Variants in GRM7 observed in about 807,000 individuals in gnomAD.
GRM7 encodes metabotropic glutamate receptor 7.
GRM7 carries 35 observed loss-of-function variants against 84.5 expected under a neutral mutation model. That is an observed-to-expected ratio of 0.41 (90% CI 0.32 to 0.55). GRM7 has a LOEUF of 0.55. GRM7 is among the 20% of genes least tolerant of loss of function. The pLI is 0.19. For synonymous variants in GRM7, 487 were observed against 455.1 expected, an observed-to-expected ratio of 1.07 and a Z score of -0.89; for missense variants, 1,003 against 1,194.6, an observed-to-expected ratio of 0.84 and a Z score of 2.36.
chr3:7,051,961 A>AT (rs934828045), intron 1 of GRM7, among the ~76,000 whole-genome samples: 175 of 151,192 alleles, frequency 1.2e-3, no homozygotes, highest in Middle Eastern at 6.8e-3. Context: ...ACATTAATTA[A>AT]TTTTTTTTTG....
chr3:7,242,853 C>A (rs1453240044), intron 2 of GRM7, among the ~76,000 whole-genome samples: 1 of 152,080 alleles, frequency 6.6e-6, no homozygotes, highest in Non-Finnish European at 1.5e-5. Context: ...AGCCCGTTTC[C>A]CCTCCTGGCT....
chr3:7,434,433 T>C (rs1334401604), intron 5 of GRM7, among the ~76,000 whole-genome samples: 2 of 152,172 alleles, frequency 1.3e-5, no homozygotes, highest in Non-Finnish European at 1.5e-5. Context: ...TTTGCAAATG[T>C]TTATAGACTT....
chr3:7,589,869 TG>T (rs1695695996), intron 8 of GRM7, among the ~76,000 whole-genome samples: 1 of 152,224 alleles, frequency 6.6e-6, no homozygotes, highest in Non-Finnish European at 1.5e-5. Context: ...AATGTGCCTG[TG>T]TGCTCCCATT....
At chr3:7,145,085 A>G (rs1364937529) in intron 1 of GRM7, among the ~76,000 whole-genome samples, 7 of 152,146 alleles carry the variant, frequency 4.6e-5, no homozygotes, top group Admixed American at 3.9e-4. Flanking sequence ...TAGGCAAACT[A>G]CAAAGGAAGG....
intron 8 of GRM7, among the ~76,000 whole-genome samples, chr3:7,643,119 A>G (rs1698437069): frequency 6.6e-6 from 1 of 152,102 alleles, no homozygotes; most frequent in South Asian, 2.1e-4. Context: ...AGATCCCTAT[A>G]CGCCATACTT....
intron 1 of GRM7, among the ~76,000 whole-genome samples, chr3:7,069,551 A>G (rs1403263392): frequency 6.6e-6 from 1 of 152,122 alleles, no homozygotes; most frequent in African/African-American, 2.4e-5. Context: ...AGAATATCCA[A>G]TGACATCAAT....
chr3:7,229,224 CAG>C (rs1393690382), intron 2 of GRM7, among the ~76,000 whole-genome samples: 1 of 152,050 alleles, frequency 6.6e-6, no homozygotes, highest in Non-Finnish European at 1.5e-5. Flanking sequence ...GACAATAAAA[CAG>C]AAGAAACAAA....
At chr3:7,686,056 G>T (rs1419724966) in intron 9 of GRM7, among the ~76,000 whole-genome samples, 1 of 152,178 alleles carries the variant, frequency 6.6e-6, no homozygotes, top group Non-Finnish European at 1.5e-5. Context: ...CTGGCAAGAA[G>T]AAGAAAATAA....
intron 2 of GRM7, among the ~76,000 whole-genome samples, chr3:7,253,616 TAAAAAAAAA>T (rs138776034): frequency 1.7e-5 from 2 of 121,196 alleles, no homozygotes; most frequent in African/African-American, 3.1e-5. Flanking sequence ...AAACTCCATC[TAAAAAAAAA>T]AAAAAAAAAA....
chr3:7,441,786 G>C (rs1331620441), intron 5 of GRM7, among the ~76,000 whole-genome samples: 1 of 152,098 alleles, frequency 6.6e-6, no homozygotes, highest in Admixed American at 6.6e-5. Context: ...TCAGATGGCT[G>C]TAAGTGTGCA....
intron 1 of GRM7, among the ~76,000 whole-genome samples, chr3:6,985,364 C>A (rs1694370577): frequency 6.6e-6 from 1 of 152,062 alleles, no homozygotes; most frequent in African/African-American, 2.4e-5. Flanking sequence ...CCTCCACTAC[C>A]CTTCCCAGCC....
At chr3:6,876,444 G>C (rs1190339377) in intron 1 of GRM7, among the ~76,000 whole-genome samples, 1 of 151,984 alleles carries the variant, frequency 6.6e-6, no homozygotes, top group Non-Finnish European at 1.5e-5. Context: ...CAAGTTTTTT[G>C]AGAGTCATAC....
At chr3:7,692,763 A>G (rs59430483) in intron 9 of GRM7, among the ~76,000 whole-genome samples, 1,535 of 152,278 alleles carry the variant, frequency 0.01, 23 homozygotes, top group African/African-American at 0.035. Flanking sequence ...TCTCATGACC[A>G]GAGGTCTTTC....
intron 2 of GRM7, among the ~76,000 whole-genome samples, chr3:7,194,937 G>A (rs1392602082): frequency 6.6e-6 from 1 of 152,058 alleles, no homozygotes; most frequent in African/African-American, 2.4e-5. Flanking sequence ...ACAGACTAAT[G>A]GAAGAGGACC....
chr3:7,278,427 C>T (rs1486724376), intron 2 of GRM7, among the ~76,000 whole-genome samples: 1 of 151,924 alleles, frequency 6.6e-6, no homozygotes, highest in Non-Finnish European at 1.5e-5. Context: ...GTGCAGTATG[C>T]CCACGTTTTT....
chr3:7,505,919 T>C (rs886478349), intron 7 of GRM7, among the ~76,000 whole-genome samples: 1 of 152,182 alleles, frequency 6.6e-6, no homozygotes, highest in Admixed American at 6.5e-5. Flanking sequence ...CTAATTTCCT[T>C]CTCAATGGGT....
At chr3:7,726,380 T>C (rs1038232808) in intron 9 of GRM7, among the ~76,000 whole-genome samples, 2 of 151,860 alleles carry the variant, frequency 1.3e-5, no homozygotes, top group Non-Finnish European at 2.9e-5. Flanking sequence ...TAATTTACTT[T>C]CAATATAAAA....
chr3:7,615,286 T>C (rs576249889), intron 8 of GRM7, among the ~76,000 whole-genome samples: 1 of 151,780 alleles, frequency 6.6e-6, no homozygotes, highest in African/African-American at 2.4e-5. Flanking sequence ...TCAGCCATTA[T>C]CTATTTAAAT....
intron 8 of GRM7, among the ~76,000 whole-genome samples, chr3:7,601,968 C>A (rs1326909295): frequency 2.1e-5 from 3 of 145,136 alleles, no homozygotes; most frequent in East Asian, 2.1e-4. Flanking sequence ...GAATCATGAA[C>A]AATAAGCCAT....
Sources: allele counts gnomAD v4.1 joint callset (sites outside exome capture counted in the v4.1 genomes callset), GRCh38; gene constraint gnomAD v4.1.1; transcripts MANE v1.5; gene names NCBI Gene and HGNC (gene_info 2026-07-23, HGNC 2026-07-21).